PDE10A: variants seen among roughly 807,000 people sequenced by gnomAD.
The protein encoded by PDE10A is cAMP and cAMP-inhibited cGMP 3',5'-cyclic phosphodiesterase 10A.
Under a neutral mutation model 97.7 loss-of-function variants are expected in PDE10A, and 39 were observed. The ratio of observed to expected loss-of-function variants is 0.40; its 90% CI spans 0.31 to 0.52. PDE10A has a LOEUF of 0.52. Among genes scored for constraint, PDE10A ranks in the 20% least tolerant of loss-of-function variants. The pLI, the probability that PDE10A is intolerant of heterozygous loss-of-function variation, is 0.56. For synonymous variants in PDE10A, 371 were observed against 376.8 expected (o/e 0.98, Z 0.18); for missense variants, 731 against 1,047.8 (o/e 0.70, Z 4.17).
rs1554336528 is a variant in PDE10A at position 165,894,606 on chromosome 6, C to CT, written c.-615+92922_-615+92923insA. On this transcript the variant is annotated intron_variant, in intron 1 of 19. Coordinates refer to the PDE10A transcript ENST00000366882. ...GACCACAACCCTGTACTACATATCC[C>CT]GAGGAAGAGCACATGAAGAAGATAA... The CT allele has an allele frequency of 1.5e-4, 67 of 445,120 alleles. 1 individual carries two copies. Among genetic ancestry groups the CT allele is most frequent in the African/African-American group, 9.0e-4 (45 of 49,776 alleles). 27.6% of individuals were successfully genotyped at this position (445,120 alleles called of 1,614,324 possible).
intron 1 of PDE10A, among the ~76,000 whole-genome samples, chr6:165,825,142 T>C (rs1338826598): frequency 7.8e-5 from 8 of 102,330 alleles, no homozygotes; most frequent in Admixed American, 2.4e-4. Flanking sequence ...AAAGACTCCA[T>C]CTCAAAAAAA....
chr6:165,357,743 TC>T (rs1783121625), intron 18 of PDE10A, among the ~76,000 whole-genome samples: 1 of 114,092 alleles, frequency 8.8e-6, no homozygotes, highest in South Asian at 2.5e-4. Context: ...GTTAATATTT[TC>T]TTTTTTTTCC....
intron 18 of PDE10A, among the ~76,000 whole-genome samples, chr6:165,344,270 T>C (rs1291807624): frequency 1.3e-5 from 2 of 152,250 alleles, no homozygotes; most frequent in East Asian, 1.9e-4. Flanking sequence ...TTTGGTCTTG[T>C]GATATGTGGC....
intron 2 of PDE10A, among the ~76,000 whole-genome samples, chr6:165,531,642 A>G (rs73247795): frequency 0.1 from 15,779 of 152,222 alleles, 942 homozygotes; most frequent in African/African-American, 0.14. Flanking sequence ...TACAAGAACA[A>G]TGTAAATGTA....
intron 1 of PDE10A, among the ~76,000 whole-genome samples, chr6:165,577,498 A>G (rs1469497503): frequency 6.6e-6 from 1 of 152,180 alleles, no homozygotes; most frequent in Non-Finnish European, 1.5e-5. Context: ...TGAATGGGCT[A>G]TAAAGGCCCC....
intron 1 of PDE10A, among the ~76,000 whole-genome samples, chr6:165,842,866 C>T (rs1342366330): frequency 1.3e-5 from 2 of 152,230 alleles, no homozygotes; most frequent in African/African-American, 4.8e-5. Context: ...TGGCTCCTGC[C>T]CTGACCCTGA....
chr6:165,527,028 T>C (rs1782488320), intron 2 of PDE10A, among the ~76,000 whole-genome samples: 1 of 152,208 alleles, frequency 6.6e-6, no homozygotes, highest in African/African-American at 2.4e-5. Context: ...GACTTATTGG[T>C]AAGACATTTG....
intron 1 of PDE10A, among the ~76,000 whole-genome samples, chr6:165,837,266 A>G (rs1404132377): frequency 6.6e-6 from 1 of 152,220 alleles, no homozygotes; most frequent in African/African-American, 2.4e-5. Flanking sequence ...AAATACTGTA[A>G]GAAAGAACAA....
intron 13 of PDE10A, among the ~76,000 whole-genome samples, chr6:165,406,991 A>G (rs220775): frequency 0.53 from 80,059 of 151,800 alleles, 21,492 homozygotes; most frequent in Middle Eastern, 0.7. Flanking sequence ...TGAGGCTTTC[A>G]GACTTGGACT....
intron 1 of PDE10A, among the ~76,000 whole-genome samples, chr6:165,589,902 C>G (rs1319896408): frequency 6.6e-6 from 1 of 152,084 alleles, no homozygotes; most frequent in Admixed American, 6.5e-5. Flanking sequence ...TAAAACTCTA[C>G]CTTTAAATAT....
At chr6:165,821,727 G>A (rs943379448) in intron 1 of PDE10A, among the ~76,000 whole-genome samples, 1 of 152,032 alleles carries the variant, frequency 6.6e-6, no homozygotes, top group Non-Finnish European at 1.5e-5. Flanking sequence ...GTTTTTAGTA[G>A]AGACAGGGTT....
intron 1 of PDE10A, among the ~76,000 whole-genome samples, chr6:165,950,255 C>A (rs1047458747): frequency 1.3e-5 from 2 of 152,200 alleles, no homozygotes; most frequent in African/African-American, 4.8e-5. Context: ...CCAGCATACA[C>A]AAAAGTACAG....
chr6:165,592,687 A>G (rs534322650), intron 1 of PDE10A, among the ~76,000 whole-genome samples: 20 of 152,228 alleles, frequency 1.3e-4, no homozygotes, highest in African/African-American at 2.9e-4. Flanking sequence ...GCCAACAAAC[A>G]TATGAAAAAA....
chr6:165,891,984 C>T (rs1204500587), intron 1 of PDE10A, among the ~76,000 whole-genome samples: 2 of 150,946 alleles, frequency 1.3e-5, no homozygotes, highest in Non-Finnish European at 2.9e-5. Flanking sequence ...AGTTTTGCAG[C>T]TTCCAGTATT....
intron 1 of PDE10A, among the ~76,000 whole-genome samples, chr6:165,731,104 G>C (rs574423943): frequency 5.3e-5 from 8 of 152,310 alleles, no homozygotes; most frequent in African/African-American, 1.9e-4. Context: ...CCCATGCCGC[G>C]CCGCGGAACC....
intron 1 of PDE10A, among the ~76,000 whole-genome samples, chr6:165,960,345 A>G (rs938914286): frequency 6.6e-6 from 1 of 152,184 alleles, no homozygotes; most frequent in African/African-American, 2.4e-5. Context: ...GACGTGGAAA[A>G]AGCTTGAAGA....
chr6:165,640,663 T>G (rs1184605222), intron 1 of PDE10A, among the ~76,000 whole-genome samples: 2 of 152,180 alleles, frequency 1.3e-5, no homozygotes, highest in Non-Finnish European at 2.9e-5. Flanking sequence ...CACAACATAT[T>G]CCTATCTGGA....
rs1045031882 is a variant in PDE10A at position 165,434,381 on chromosome 6, C to A, written c.1335+856G>T. ...AAATTAAAACCCAGGTTTCATGGCT[C>A]CTATTAGCACTTAGAGCAATTTTTT... On this transcript the variant is annotated intron_variant, in intron 6 of 21. Coordinates refer to ENST00000539869, the MANE Select transcript of PDE10A (RefSeq NM_001385079.1). Among the ~76,000 whole-genome samples the A allele has an allele frequency of 1.5e-4, 23 of 151,872 alleles. No homozygotes were observed. In the East Asian group the frequency reaches 4.5e-3, roughly 30 times the overall value.
At chr6:165,629,521 CTTTTTTTTTT>C (rs35760840) in intron 1 of PDE10A, among the ~76,000 whole-genome samples, 1 of 131,686 alleles carries the variant, frequency 7.6e-6, no homozygotes, top group Non-Finnish European at 1.6e-5. Context: ...TATTAACAAC[CTTTTTTTTTT>C]TTTTTTTTTT....
Sources: gnomAD v4.1 joint callset for allele counts (sites outside exome capture counted in the v4.1 genomes callset) on GRCh38, gnomAD v4.1.1 for gene constraint, MANE v1.5 for transcripts, NCBI Gene and HGNC (gene_info 2026-07-23, HGNC 2026-07-21) for gene names.